The following KCNN3 variants were observed in gnomAD, a reference collection of about 807,000 sequenced individuals.
KCNN3 encodes small conductance calcium-activated potassium channel protein 3.
KCNN3 carries 16 observed loss-of-function variants against 62.9 expected under a neutral mutation model. That is an observed-to-expected ratio of 0.25 (90% confidence interval 0.17 to 0.39). The LOEUF is 0.39. KCNN3 is among the 10% of genes least tolerant of loss of function. The pLI is 1.00. For missense variants in KCNN3, 599 were observed against 949.4 expected (o/e 0.63, Z 4.85); for synonymous variants, 370 against 389.2 (o/e 0.95, Z 0.58).
chr1:154,868,336 ACCAC>A (rs1653030561), intron 1 of KCNN3: 1 of 987,464 alleles, frequency 1.0e-6, no homozygotes, highest in East Asian at 1.1e-4. Flanking sequence ...GAGGGAAAGG[ACCAC>A]TGATTTCCTC....
At chr1:154,727,269 C>T (rs1301267611) in intron 4 of KCNN3, among the ~76,000 whole-genome samples, 2 of 152,194 alleles carry the variant, frequency 1.3e-5, no homozygotes, top group African/African-American at 2.4e-5. Context: ...GCCACAGAAC[C>T]CAGTCTAGCA....
chr1:154,704,220 GC>G lies in KCNN3; in HGVS notation c.*3755del, dbSNP rs1441375930. The G allele has an allele frequency of 6.6e-6, 1 of 152,136 alleles. No homozygotes were observed. Among genetic ancestry groups the G allele is most frequent in the African/African-American group, 2.4e-5 (1 of 41,412 alleles). The allele number at this position is 152,136 out of a possible 1,614,324, so 9.4% of individuals were successfully genotyped here. ...TCACAAGATTGTTGTTCTACCACTG[GC>G]CCCTGCTGAGGTCGGTCAGTGGTGA... On this transcript the variant is annotated 3_prime_UTR_variant, in exon 8 of 8. Coordinates refer to ENST00000271915, the MANE Select transcript of KCNN3 (RefSeq NM_002249.6).
chr1:154,798,411 G>A (rs1207035594), intron 2 of KCNN3, among the ~76,000 whole-genome samples: 1 of 152,230 alleles, frequency 6.6e-6, no homozygotes, highest in African/African-American at 2.4e-5. Flanking sequence ...GCAGCAAATA[G>A]CGAGGCAGGA....
intron 5 of KCNN3, among the ~76,000 whole-genome samples, chr1:154,723,796 T>C (rs1456270958): frequency 6.6e-6 from 1 of 152,212 alleles, no homozygotes; most frequent in Non-Finnish European, 1.5e-5. Flanking sequence ...TTCAATCCAG[T>C]GAAACCTCAG....
At chr1:154,708,364 G>A (rs1700005093) in intron 7 of KCNN3, 92 bp from the exon 8 acceptor site, 1 of 1,279,046 alleles carries the variant, frequency 7.8e-7, no homozygotes, top group East Asian at 2.3e-5. Flanking sequence ...TCCACAGTAT[G>A]ACAGGAGCCA....
intron 3 of KCNN3, among the ~76,000 whole-genome samples, chr1:154,750,644 T>C (rs1391834081): frequency 6.6e-6 from 1 of 151,924 alleles, no homozygotes. Context: ...TTCTTACCCG[T>C]TTCCCACACT....
chr1:154,797,305 C>A (rs1171398956), intron 2 of KCNN3, among the ~76,000 whole-genome samples: 1 of 152,170 alleles, frequency 6.6e-6, no homozygotes, highest in Admixed American at 6.5e-5. Flanking sequence ...CGGAGTCAGG[C>A]AGAGTAGGGT....
At chr1:154,810,880 C>T (rs1353249305) in intron 2 of KCNN3, among the ~76,000 whole-genome samples, 1 of 152,264 alleles carries the variant, frequency 6.6e-6, no homozygotes, top group Non-Finnish European at 1.5e-5. Context: ...GCAGGGCAAC[C>T]TGGCTAGCTT....
chr1:154,726,863 A>G (rs1290825085), intron 4 of KCNN3, among the ~76,000 whole-genome samples: 1 of 151,872 alleles, frequency 6.6e-6, no homozygotes, highest in Non-Finnish European at 1.5e-5. Context: ...AGCCCGGGGG[A>G]GGGTGGGCAA....
At chr1:154,820,539 G>A (rs577062392) in intron 2 of KCNN3, among the ~76,000 whole-genome samples, 7 of 152,296 alleles carry the variant, frequency 4.6e-5, no homozygotes, top group East Asian at 1.9e-4. Context: ...CCTGGATCCC[G>A]CGGCTGGCTT....
intron 1 of KCNN3, among the ~76,000 whole-genome samples, chr1:154,834,438 T>G (rs952325802): frequency 1.3e-5 from 2 of 151,890 alleles, no homozygotes; most frequent in African/African-American, 2.4e-5. Context: ...CTAGGGGGGG[T>G]CAGGGAACCT....
intron 2 of KCNN3, among the ~76,000 whole-genome samples, chr1:154,805,796 G>A (rs1307676752): frequency 6.6e-6 from 1 of 152,192 alleles, no homozygotes; most frequent in Non-Finnish European, 1.5e-5. Context: ...AGAGGATTGT[G>A]GTAGGCAGAA....
intron 1 of KCNN3, among the ~76,000 whole-genome samples, chr1:154,863,373 T>G (rs751155519): frequency 2.0e-5 from 3 of 152,144 alleles, no homozygotes; most frequent in Non-Finnish European, 2.9e-5. Context: ...GAGGAATAGG[T>G]GCCTTGCTTT....
At chr1:154,760,234 T>G (rs942946448) in intron 3 of KCNN3, among the ~76,000 whole-genome samples, 5 of 151,736 alleles carry the variant, frequency 3.3e-5, no homozygotes, top group Admixed American at 2.0e-4. Flanking sequence ...TTACTTATAA[T>G]AGCTAAGTCA....
chr1:154,868,938 ATC>A (rs1491020642), intron 1 of KCNN3, 92 bp downstream of exon 1: 36 of 930,986 alleles, frequency 3.9e-5, no homozygotes, highest in African/African-American at 9.2e-5. Context: ...CTCTCTCTCA[ATC>A]TCTCTCTCTC....
intron 5 of KCNN3, 131 bp downstream of exon 5, chr1:154,725,785 G>C (rs946961596): frequency 1.8e-5 from 13 of 706,258 alleles, no homozygotes; most frequent in Non-Finnish European, 3.3e-5. Context: ...CCTTGTGATC[G>C]ACCCTCCTCA....
chr1:154,740,611 G>T (rs1016851081), intron 3 of KCNN3, among the ~76,000 whole-genome samples: 8 of 152,228 alleles, frequency 5.3e-5, no homozygotes, highest in African/African-American at 1.9e-4. Context: ...TTCCACCAGA[G>T]GTGGATAAGA....
chr1:154,822,007 T>C (rs1571310029), intron 2 of KCNN3, 82 bp downstream of exon 2: 2 of 1,012,180 alleles, frequency 2.0e-6, no homozygotes. Flanking sequence ...AGGGAGTGGG[T>C]TTTGGGGGTG....
At chr1:154,711,237 G>T (rs956350834) in intron 7 of KCNN3, among the ~76,000 whole-genome samples, 1 of 148,842 alleles carries the variant, frequency 6.7e-6, no homozygotes, top group Admixed American at 6.8e-5. Context: ...GCAAACTATC[G>T]CAAGGACAAA....
Sources: allele counts gnomAD v4.1 joint callset (sites outside exome capture counted in the v4.1 genomes callset), GRCh38; gene constraint gnomAD v4.1.1; transcripts MANE v1.5; gene names NCBI Gene and HGNC (gene_info 2026-07-23, HGNC 2026-07-21).